Variants in GABRR2 observed in about 807,000 individuals in gnomAD.
GABRR2 encodes the protein gamma-aminobutyric acid type A receptor subunit rho2, also known as gamma-aminobutyric acid receptor subunit rho-2.
A neutral mutation model predicts 47.0 loss-of-function variants in GABRR2; 36 were observed. That is an observed-to-expected ratio of 0.77 (90% CI 0.59 to 1.01). The LOEUF is 1.01. GABRR2 is among the 50% of genes least tolerant of loss of function. The pLI is 0.00. For missense variants in GABRR2, 587 were observed against 594.6 expected, an observed-to-expected ratio of 0.99 and a Z score of 0.13; for synonymous variants, 204 against 227.5, an observed-to-expected ratio of 0.90 and a Z score of 0.93.
In GABRR2 at chr6:89,299,765, A is replaced by C. The variant is rs1774617046; in HGVS notation, c.214T>G (p.Phe72Val). The change falls in exon 2 of 9, where the codon TTC becomes GTC. Residue 72 changes from phenylalanine (F) to valine (V), a missense_variant. Phe to Val is a conservative substitution (Grantham distance 50). Transcript: ENST00000402938. Reference sequence around the variant, plus strand: ...CAAGGAAGAACAGTCCTACCTCCGAAGGCGGGTCTCATGCTGAAGTCGTGC... The same window carrying C: ...CAAGGAAGAACAGTCCTACCTCCGACGGCGGGTCTCATGCTGAAGTCGTGC... ...DEHDFSMRPA[F>V]GGPAIPVGVD... is the part of the protein sequence containing the mutation. The C allele has an allele frequency of 1.9e-6, 3 of 1,612,620 alleles. No individual in the cohort carries two copies. The highest frequency in any genetic ancestry group is 2.5e-6 in the Non-Finnish European group (3 of 1,178,658).
intron 6 of GABRR2, among the ~76,000 whole-genome samples, chr6:89,266,681 T>C (rs1181338329): frequency 6.6e-6 from 1 of 152,208 alleles, no homozygotes; most frequent in Non-Finnish European, 1.5e-5. Context: ...AAGTATATTA[T>C]TCACAATATG....
intron 8 of GABRR2, 78 bp downstream of exon 8, chr6:89,264,334 C>T: frequency 6.8e-7 from 1 of 1,473,206 alleles, no homozygotes; most frequent in Non-Finnish European, 9.1e-7. Flanking sequence ...CAACCCCTGC[C>T]TCTGCCCCCT....
At chr6:89,267,119 C>T (rs776707392) in intron 6 of GABRR2, among the ~76,000 whole-genome samples, 3 of 151,826 alleles carry the variant, frequency 2.0e-5, no homozygotes, top group Middle Eastern at 3.4e-3. Context: ...CCTGTCTCAG[C>T]CTCCCGAGTA....
At position 89,257,422 on chromosome 6, in the gene GABRR2, G is replaced by A. The variant is rs959016292; in HGVS notation, c.*248C>T. 4 of 499,378 alleles carry A rather than the reference G, an allele frequency of 8.0e-6. No homozygotes were observed. The highest frequency in any genetic ancestry group is 1.1e-5 in the Non-Finnish European group (3 of 282,094). The allele number at this position is 499,378 out of a possible 1,614,324, so 30.9% of individuals were successfully genotyped here. The stretch of plus-strand genomic sequence containing the variant: ...TTCTTGTGAATTAGTTCACACACAA[G>A]AACAGAAGGTCCCAGAGAGATGTGA... On this transcript the variant is annotated 3_prime_UTR_variant, in exon 9 of 9. Transcript: ENST00000402938.
Position 89,291,858 on chromosome 6 carries a change from G to A in GABRR2, c.220+7901C>T, listed in dbSNP as rs550795441. Reference sequence around the variant, plus strand: ...AGTTCCAATAGTATGAGCTTCCCAGGCAAGGGCGGCTCTTCCCCAGGGCAG... The same window carrying A: ...AGTTCCAATAGTATGAGCTTCCCAGACAAGGGCGGCTCTTCCCCAGGGCAG... On this transcript the variant is annotated intron_variant, in intron 2 of 8. Transcript: ENST00000402938. Among the ~76,000 whole-genome samples the A allele has an allele frequency of 2.4e-4, 36 of 152,250 alleles. 1 individual carries two copies. The South Asian group carries it at 6.2e-3, about 26-fold the overall frequency.
At position 89,264,471 on chromosome 6, in the gene GABRR2, C is replaced by T. The variant is rs1163611666; in HGVS notation, c.1027G>A (p.Ala343Thr). ...VFVFLSVLEY[A>T]AVNYLTTVQE... ...ACGGTGGTCAGGTAGTTGACAGCCG[C>T]ATACTCCAGCACCGAGAGGAACACG... The change falls in exon 8 of 9, where the codon GCG (alanine) becomes ACG (threonine). Residue 343 changes from alanine to threonine, a missense_variant. Coordinates refer to ENST00000402938, the MANE Select transcript of GABRR2 (RefSeq NM_002043.5). 2 of 1,613,840 alleles carry T rather than the reference C, an allele frequency of 1.2e-6. No individual in the cohort carries two copies. Among genetic ancestry groups the T allele is most frequent in the African/African-American group, 2.7e-5 (2 of 74,866 alleles).
At chr6:89,276,000 A>T (rs771998724) in intron 2 of GABRR2, among the ~76,000 whole-genome samples, 8 of 151,402 alleles carry the variant, frequency 5.3e-5, no homozygotes, top group Non-Finnish European at 1.2e-4. Context: ...CCTCTGGAGG[A>T]AGATAACATC....
In GABRR2 at chr6:89,255,864, C is replaced by G. The variant is rs1389492295; in HGVS notation, c.*1806G>C. Among the ~76,000 whole-genome samples, 1 of 151,990 alleles carries G rather than the reference C, an allele frequency of 6.6e-6. No individual in the cohort carries two copies. The highest frequency in any genetic ancestry group is 2.4e-5 in the African/African-American group (1 of 41,362). ...CCCACTTGAGTGTGGATGGTGTAAC[C>G]AAGGAACTGAGTTTTCAATTTTATT... On this transcript the variant is annotated 3_prime_UTR_variant, in exon 9 of 9. Coordinates refer to ENST00000402938, the MANE Select transcript of GABRR2 (RefSeq NM_002043.5).
At chr6:89,299,673 C>G (rs897969188) in intron 2 of GABRR2, 86 bp downstream of exon 2, 4 of 838,050 alleles carry the variant, frequency 4.8e-6, no homozygotes, top group South Asian at 1.4e-5. Context: ...TCTGAGGAAG[C>G]GCTGTGCCAG....
intron 1 of GABRR2, chr6:89,302,329 A>G (rs535060318): frequency 1.4e-4 from 80 of 564,228 alleles, no homozygotes; most frequent in South Asian, 1.0e-3. Context: ...CTACAACCCC[A>G]TGCTGTCCAT....
chr6:89,305,328 A>G (rs989546063), intron 1 of GABRR2, among the ~76,000 whole-genome samples: 1 of 152,156 alleles, frequency 6.6e-6, no homozygotes, highest in African/African-American at 2.4e-5. Flanking sequence ...GCTCTCCAGA[A>G]AAAAAGAAAA....
chr6:89,264,525 C>G lies in GABRR2; in HGVS notation c.973G>C (p.Asp325His), dbSNP rs748192383. ...ACAAAGCTGACCCAGAGGTAGATGT[C>G]CACGGCCTTGACGTAGGAGACGCGC... Reference protein sequence around the residue: ...MPRVSYVKAVDIYLWVSFVFV... With the variant: ...MPRVSYVKAVHIYLWVSFVFV... Residue 325 changes from aspartate (D) to histidine (H), a missense_variant, in exon 8 of 9, where the codon GAC (aspartate) becomes CAC (histidine). Transcript: ENST00000402938. 6 of 1,614,132 alleles carry G rather than the reference C, an allele frequency of 3.7e-6. No individual in the cohort carries two copies. The Admixed American group carries it at 1.0e-4, about 27-fold the overall frequency.
intron 1 of GABRR2, chr6:89,301,891 G>T (rs945787706): frequency 9.7e-6 from 11 of 1,139,356 alleles, no homozygotes; most frequent in Non-Finnish European, 1.3e-5. Flanking sequence ...CGGCAACTAC[G>T]TGGGGAACTC....
At chr6:89,262,830 A>C (rs1773780312) in intron 8 of GABRR2, among the ~76,000 whole-genome samples, 1 of 152,240 alleles carries the variant, frequency 6.6e-6, no homozygotes. Flanking sequence ...CATTTTGATT[A>C]GTGCAATGAT....
In GABRR2 at chr6:89,265,881, T is replaced by C. The variant is rs376752119; in HGVS notation, c.737-116A>G. The C allele has an allele frequency of 8.2e-6, 8 of 975,780 alleles. No individual in the cohort carries two copies. The African/African-American group carries it at 1.3e-4, about 16-fold the overall frequency. 60.4% of individuals were successfully genotyped at this position (975,780 alleles called of 1,614,324 possible). A position where few individuals can be genotyped will look rare whatever the true frequency, so the allele number is the denominator to read the frequency against. On this transcript the variant is annotated intron_variant, in intron 6 of 8. Transcript: ENST00000402938. ...CTCCTCAGCAACAGAAAGTTGAAAT[T>C]AATGACCAGTTGGCTTAATATAATA...
intron 1 of GABRR2, chr6:89,302,198 G>T: frequency 1.8e-6 from 1 of 556,326 alleles, no homozygotes; most frequent in East Asian, 4.3e-5. Flanking sequence ...CTCGCTGGGC[G>T]GGGGCACAAG....
At chr6:89,306,990 G>A (rs868111844) in intron 1 of GABRR2, among the ~76,000 whole-genome samples, 43 of 152,296 alleles carry the variant, frequency 2.8e-4, no homozygotes, top group Middle Eastern at 3.4e-3. Context: ...TTCTAAGAGC[G>A]TTAGGCTAGG....
intron 3 of GABRR2, chr6:89,270,464 G>A (rs1459961383): frequency 6.6e-6 from 1 of 152,232 alleles, no homozygotes; most frequent in Non-Finnish European, 1.5e-5. Context: ...TCAGTCTAGG[G>A]CAGCCAGGCT....
Position 89,258,001 on chromosome 6 carries a change from A to C in GABRR2, c.1087-20T>G, listed in dbSNP as rs1304065530. ...CGGGAACTATGGGCAGCAAGCACAA[A>C]GAACATCATTAAGCCTTGTGAGGTG... On this transcript the variant is annotated intron_variant, in intron 8 of 8. Transcript: ENST00000402938. 1 of 1,606,470 alleles carries C rather than the reference A, an allele frequency of 6.2e-7. No homozygotes were observed. Among genetic ancestry groups the C allele is most frequent in the Non-Finnish European group, 8.5e-7 (1 of 1,176,218 alleles).
Sources: allele counts gnomAD v4.1 joint callset (sites outside exome capture counted in the v4.1 genomes callset), GRCh38; gene constraint gnomAD v4.1.1; transcripts MANE v1.5; gene names NCBI Gene and HGNC (gene_info 2026-07-23, HGNC 2026-07-21).